The following NMD3 variants were observed in gnomAD, a reference collection of about 807,000 sequenced individuals.
The protein encoded by NMD3 is 60S ribosomal export protein NMD3.
A neutral mutation model predicts 73.1 loss-of-function variants in NMD3; 47 were observed. That is an observed-to-expected ratio of 0.64 (90% CI 0.51 to 0.82). The LOEUF is 0.82. Ranked by LOEUF, NMD3 falls within the 40% of genes least tolerant of loss-of-function variation. NMD3 has a pLI of 0.00. For synonymous variants in NMD3, 210 were observed against 194.5 expected (o/e 1.08, Z -0.66); for missense variants, 554 against 612.5 (o/e 0.90, Z 1.01).
rs117973176 is a variant in NMD3, at chr3:161,238,008, T to A, written c.578-105T>A. ...TGACTACAATAGAGTTTTCTAATAA[T>A]TTGATTTTGTTTAAAACAGATGTAA... On this transcript the variant is annotated intron_variant, in intron 7 of 15. Coordinates refer to ENST00000351193, the MANE Select transcript of NMD3 (RefSeq NM_015938.5). The A allele has an allele frequency of 1.1e-3, 786 of 746,616 alleles. 12 individuals are homozygous for A. In the East Asian group the frequency reaches 0.019, roughly 18 times the overall value. 46.2% of individuals were successfully genotyped at this position (746,616 alleles called of 1,614,324 possible).
chr3:161,250,711 A>T, intron 15 of NMD3, 69 bp from the exon 16 acceptor site: 1 of 945,322 alleles, frequency 1.1e-6, no homozygotes, highest in South Asian at 1.9e-5. Context: ...GTATATTTTC[A>T]AATATATTTA....
intron 1 of NMD3, 26 bp from the exon 2 acceptor site, chr3:161,221,968 T>A: frequency 5.5e-6 from 2 of 361,978 alleles, no homozygotes; most frequent in Non-Finnish European, 3.5e-6. Context: ...CTTTTTTTTT[T>A]TTTTTTTTTT....
intron 4 of NMD3, among the ~76,000 whole-genome samples, chr3:161,230,154 A>G (rs1736477248): frequency 6.6e-6 from 1 of 152,178 alleles, no homozygotes; most frequent in Admixed American, 6.5e-5. Flanking sequence ...GCTAGAGTGC[A>G]GTGGCGCTGT....
Position 161,238,184 on chromosome 3 carries a change from C to T in NMD3, c.649C>T (p.Pro217Ser), listed in dbSNP as rs377301241. 3 of 1,593,620 alleles carry T rather than the reference C, an allele frequency of 1.9e-6. No homozygotes were observed. Among genetic ancestry groups the T allele is most frequent in the East Asian group, 4.5e-5 (2 of 44,654 alleles). ...KMVEFLQCTV[P>S]CRYKASQRLI... ...GGTCGAATTTCTTCAGTGTACAGTT[C>T]CCTGTAGGTATGTTCTGAACCTTGA... The change falls in exon 8 of 16, where the codon CCC becomes TCC. Residue 217 changes from proline (P) to serine (S), a missense_variant. By Grantham distance (74) the Pro-to-Ser change is moderately conservative. Transcript: ENST00000351193.
Position 161,247,273 on chromosome 3 carries a change from C to T in NMD3, c.1146C>T (p.Asn382=). The change falls in exon 13 of 16, where the codon AAC becomes AAT. Residue 382 remains asparagine, a synonymous_variant. Coordinates refer to ENST00000351193, the MANE Select transcript of NMD3 (RefSeq NM_015938.5). ...GDLVLGFDLA[N]CNLNDEHVNK... ...TACATTTCAGGTTTGATTTGGCCAA[C>T]TGTAACTTAAATGATGAGCATGTCA... 2.5e-6 allele frequency: 4 copies of T among 1,609,934 alleles called. No homozygotes were observed. Among genetic ancestry groups the T allele is most frequent in the Middle Eastern group, 1.7e-4 (1 of 6,040 alleles).
downstream of NMD3, chr3:161,252,684 G>A: frequency 5.4e-6 from 3 of 560,320 alleles, no homozygotes; most frequent in South Asian, 4.3e-5. Context: ...TGGGAAGGCT[G>A]GTATTAATCA....
At chr3:161,234,961 A>G in intron 6 of NMD3, 106 bp downstream of exon 6, 1 of 1,184,798 alleles carries the variant, frequency 8.4e-7, no homozygotes. Flanking sequence ...TCCCTGAAGC[A>G]TTCACCTTTG....
chr3:161,235,285 T>C (rs2108085989), intron 7 of NMD3, 73 bp downstream of exon 7: 1 of 713,326 alleles, frequency 1.4e-6, no homozygotes, highest in Admixed American at 2.7e-5. Flanking sequence ...ATCTTATATT[T>C]ACTGATAATA....
At position 161,238,824 on chromosome 3, in the gene NMD3, A is replaced by C. The variant is rs1736866791; in HGVS notation, c.751A>C (p.Lys251Gln). The change falls in exon 9 of 16, where the codon AAG becomes CAG. Residue 251 changes from lysine to glutamine, a missense_variant and splice_region_variant. By Grantham distance (53) the Lys-to-Gln change is moderately conservative. Coordinates refer to ENST00000351193, the MANE Select transcript of NMD3 (RefSeq NM_015938.5). ...TFSVEIVPIC[K>Q]DNVVCLSPKL... ...TTCTGTGGAAATTGTTCCAATATGC[A>C]AGGTACTTTTCTTTTTCATTTAATC... is the stretch of plus-strand genomic sequence containing the variant. 7.0e-7 allele frequency: 1 copy of C among 1,434,492 alleles called. No individual in the cohort carries two copies. Among genetic ancestry groups the C allele is most frequent in the African/African-American group, 1.4e-5 (1 of 70,170 alleles). The allele number at this position is 1,434,492 out of a possible 1,614,324, so 88.9% of individuals were successfully genotyped here.
At chr3:161,234,901 C>T in intron 6 of NMD3, 46 bp downstream of exon 6, 1 of 1,595,638 alleles carries the variant, frequency 6.3e-7, no homozygotes, top group Non-Finnish European at 8.6e-7. Context: ...TATATTTCGT[C>T]TTTGTTAATT....
At chr3:161,228,029 G>T (rs1736391497) in intron 4 of NMD3, among the ~76,000 whole-genome samples, 1 of 151,808 alleles carries the variant, frequency 6.6e-6, no homozygotes, top group Non-Finnish European at 1.5e-5. Context: ...TAAAATATTT[G>T]TGCCTGTCAC....
Position 161,238,203 on chromosome 3 carries a change from A to G in NMD3, c.656+12A>G, listed in dbSNP as rs781540351. 1.3e-6 allele frequency: 2 copies of G among 1,531,696 alleles called. No individual in the cohort carries two copies. Among genetic ancestry groups the G allele is most frequent in the Non-Finnish European group, 8.9e-7 (1 of 1,118,244 alleles). 94.9% of individuals were successfully genotyped at this position (1,531,696 alleles called of 1,614,324 possible). A position where few individuals can be genotyped will look rare whatever the true frequency, so the allele number is the denominator to read the frequency against. On this transcript the variant is annotated intron_variant, in intron 8 of 15. Coordinates refer to ENST00000351193, the MANE Select transcript of NMD3 (RefSeq NM_015938.5). The stretch of plus-strand genomic sequence containing the variant: ...ACAGTTCCCTGTAGGTATGTTCTGA[A>G]CCTTGAATGTGACTAAATCTAAGGA...
intron 2 of NMD3, 82 bp from the exon 3 acceptor site, chr3:161,224,848 C>A: frequency 2.9e-6 from 4 of 1,364,670 alleles, no homozygotes; most frequent in Non-Finnish European, 4.0e-6. Flanking sequence ...AACTTGAAGG[C>A]TTTTGTTTGT....
intron 15 of NMD3, 78 bp from the exon 16 acceptor site, chr3:161,250,702 T>C (rs1392545365): frequency 5.9e-6 from 5 of 846,154 alleles, no homozygotes; most frequent in South Asian, 2.0e-5. Context: ...TAGATATTTG[T>C]ATATTTTCAA....
chr3:161,222,006 A>T lies in NMD3; in HGVS notation c.-8A>T, dbSNP rs543065467. The T allele has an allele frequency of 1.3e-6, 2 of 1,547,510 alleles. No individual in the cohort carries two copies. The highest frequency in any genetic ancestry group is 2.3e-5 in the South Asian group (2 of 87,956). On this transcript the variant is annotated 5_prime_UTR_variant, in exon 2 of 16. Coordinates refer to ENST00000351193, the MANE Select transcript of NMD3 (RefSeq NM_015938.5). ...TTTTTTTTAAAAGAACTTAAGGCAT[A>T]CAGAACGATGGAGTATATGGCAGAA...
Position 161,236,285 on chromosome 3 carries a change from C to T in NMD3, c.577+1073C>T, listed in dbSNP as rs185386737. The stretch of plus-strand genomic sequence containing the variant: ...TATATAAAAAACTACCAAACTGCTT[C>T]AAAGTGGCTGTACCATTTTACATTC... On this transcript the variant is annotated intron_variant, in intron 7 of 15. Transcript: ENST00000351193. 1.7e-3 allele frequency among the ~76,000 whole-genome samples: 255 copies of T among 152,206 alleles called. 2 individuals carry two copies. Among genetic ancestry groups the T allele is most frequent in the Middle Eastern group, 3.4e-3 (1 of 294 alleles).
At chr3:161,231,688 C>T (rs1011864409) in intron 4 of NMD3, among the ~76,000 whole-genome samples, 1 of 152,144 alleles carries the variant, frequency 6.6e-6, no homozygotes, top group East Asian at 1.9e-4. Context: ...AGGACGATAG[C>T]TGTCTGGTGC....
At chr3:161,248,499 A>G (rs1448119860) in intron 13 of NMD3, among the ~76,000 whole-genome samples, 1 of 152,100 alleles carries the variant, frequency 6.6e-6, no homozygotes, top group Non-Finnish European at 1.5e-5. Context: ...CCAAAAGATA[A>G]ATAAATAAAT....
chr3:161,234,442 TA>T (rs1736661848), intron 5 of NMD3, among the ~76,000 whole-genome samples: 2 of 108,900 alleles, frequency 1.8e-5, no homozygotes, highest in Non-Finnish European at 3.4e-5. Context: ...AAAAAAATTA[TA>T]TATATATATA....
Sources: allele counts gnomAD v4.1 joint callset (sites outside exome capture counted in the v4.1 genomes callset), GRCh38; gene constraint gnomAD v4.1.1; transcripts MANE v1.5; gene names NCBI Gene and HGNC (gene_info 2026-07-23, HGNC 2026-07-21).